MAP2K5: variants seen among roughly 807,000 people sequenced by gnomAD.
MAP2K5 encodes the protein dual specificity mitogen-activated protein kinase kinase 5.
A neutral mutation model predicts 83.1 loss-of-function variants in MAP2K5; 49 were observed. The observed-to-expected ratio is 0.59, with a 90% CI of 0.47 to 0.75. MAP2K5 has a LOEUF of 0.75. MAP2K5 is among the 30% of genes least tolerant of loss of function. MAP2K5 has a pLI of 0.00. For missense variants in MAP2K5, 457 were observed against 557.5 expected, an observed-to-expected ratio of 0.82 and a Z score of 1.82; for synonymous variants, 202 against 191.8, an observed-to-expected ratio of 1.05 and a Z score of -0.44.
intron 15 of MAP2K5, among the ~76,000 whole-genome samples, chr15:67,699,874 T>C (rs976260665): frequency 6.6e-6 from 1 of 151,976 alleles, no homozygotes; most frequent in East Asian, 1.9e-4. Context: ...GAAGAGAGAA[T>C]TGGTGAACTG....
At chr15:67,649,349 T>C (rs749638021) in intron 11 of MAP2K5, among the ~76,000 whole-genome samples, 4 of 152,128 alleles carry the variant, frequency 2.6e-5, no homozygotes, top group Non-Finnish European at 5.9e-5. Context: ...TCACTTTCTT[T>C]TTTCTTTTCT....
In MAP2K5 at chr15:67,587,009, A is replaced by G; in HGVS notation, c.431+96A>G. 1.7e-6 allele frequency: 2 copies of G among 1,190,668 alleles called. No individual in the cohort carries two copies. The highest frequency in any genetic ancestry group is 2.5e-6 in the Non-Finnish European group (2 of 794,356). 73.8% of individuals were successfully genotyped at this position (1,190,668 alleles called of 1,614,324 possible). A position where few individuals can be genotyped will look rare whatever the true frequency, so the allele number is the denominator to read the frequency against. ...GCTAGAAAGAAATTTGACCAGTTAG[A>G]TAACCTAGCTACGTATTGACCAAAG... On this transcript the variant is annotated intron_variant, in intron 6 of 21. Coordinates refer to ENST00000178640, the MANE Select transcript of MAP2K5 (RefSeq NM_145160.3). This position sits in a 1 kb window ranked among gnomAD's most constrained non-coding sequence, Gnocchi z 4.8.
At chr15:67,627,615 C>T (rs1214678361) in intron 8 of MAP2K5, among the ~76,000 whole-genome samples, 1 of 152,128 alleles carries the variant, frequency 6.6e-6, no homozygotes, top group Non-Finnish European at 1.5e-5. Context: ...ATTACAAATA[C>T]CTATATGCTC....
At position 67,748,744 on chromosome 15, in the gene MAP2K5, C is replaced by A. The variant is rs973819881; in HGVS notation, c.1134+143C>A. 1.0e-5 allele frequency: 7 copies of A among 689,268 alleles called. No homozygotes were observed. In the African/African-American group the frequency reaches 1.3e-4, roughly 12 times the overall value. The allele number at this position is 689,268 out of a possible 1,614,324, so 42.7% of individuals were successfully genotyped here. A position where few individuals can be genotyped will look rare whatever the true frequency, so the allele number is the denominator to read the frequency against. ...ATGGCTCTGAGCTATGTTACGTGAA[C>A]TGGCCTTGTCCTGAATCCCACTCTT... is the stretch of plus-strand genomic sequence containing the variant. On this transcript the variant is annotated intron_variant, in intron 19 of 21. Coordinates refer to ENST00000178640, the MANE Select transcript of MAP2K5 (RefSeq NM_145160.3). This position sits in a 1 kb window ranked among gnomAD's most constrained non-coding sequence, Gnocchi z 4.0.
At chr15:67,666,634 G>A (rs1354823874) in intron 13 of MAP2K5, among the ~76,000 whole-genome samples, 2 of 152,316 alleles carry the variant, frequency 1.3e-5, no homozygotes, top group East Asian at 1.9e-4. Context: ...TGACGGACAA[G>A]GGCTGCAGTG....
intron 7 of MAP2K5, among the ~76,000 whole-genome samples, chr15:67,596,964 G>A (rs780454765): frequency 2.0e-5 from 3 of 152,160 alleles, no homozygotes; most frequent in Admixed American, 6.6e-5. Flanking sequence ...GAGGTCAGGA[G>A]ATCAAGACCA....
intron 12 of MAP2K5, among the ~76,000 whole-genome samples, chr15:67,663,313 G>A (rs1666693291): frequency 6.6e-6 from 1 of 152,150 alleles, no homozygotes; most frequent in Non-Finnish European, 1.5e-5. Flanking sequence ...TCCTACTCCA[G>A]TCTAGGATTA....
intron 7 of MAP2K5, among the ~76,000 whole-genome samples, chr15:67,594,915 C>T (rs2141017319): frequency 6.6e-6 from 1 of 152,254 alleles, no homozygotes; most frequent in East Asian, 1.9e-4. Flanking sequence ...AGTGAAATTG[C>T]ATTGCAGTGA....
intron 3 of MAP2K5, among the ~76,000 whole-genome samples, chr15:67,569,650 A>T (rs188880473): frequency 9.9e-4 from 150 of 152,278 alleles, no homozygotes; most frequent in Admixed American, 5.4e-3. Context: ...CAAGGAGCAG[A>T]AGCATATTCA....
chr15:67,805,457 G>A (rs1310581287), intron 21 of MAP2K5, among the ~76,000 whole-genome samples: 1 of 152,238 alleles, frequency 6.6e-6, no homozygotes, highest in East Asian at 1.9e-4. Flanking sequence ...TGATGAGCTC[G>A]TGGCGAGGCC....
chr15:67,627,176 T>C (rs1194045006), intron 8 of MAP2K5, among the ~76,000 whole-genome samples: 1 of 152,184 alleles, frequency 6.6e-6, no homozygotes, highest in Non-Finnish European at 1.5e-5. Context: ...CTTGATCTCC[T>C]GGGTTCAAGT....
chr15:67,650,515 G>T (rs1596722648), intron 11 of MAP2K5, among the ~76,000 whole-genome samples: 4 of 144,906 alleles, frequency 2.8e-5, no homozygotes, highest in Non-Finnish European at 4.5e-5. Context: ...AGTTTGTTGA[G>T]TTTTTTTTTT....
At position 67,769,513 on chromosome 15, in the gene MAP2K5, T is replaced by G. The variant is rs2090101563; in HGVS notation, c.1135-89T>G. On this transcript the variant is annotated intron_variant, in intron 19 of 21. Transcript: ENST00000178640. This position sits in a 1 kb window ranked among gnomAD's most constrained non-coding sequence, Gnocchi z 5.2. ...CTTATTCTCATTGTATTCATCTTTA[T>G]ACTCATCCTTCACATGGGTGGGTGG... is the stretch of plus-strand genomic sequence containing the variant. 1.1e-5 allele frequency: 12 copies of G among 1,123,946 alleles called. No individual in the cohort carries two copies. Among genetic ancestry groups the G allele is most frequent in the South Asian group, 5.1e-5 (4 of 77,862 alleles). 69.6% of individuals were successfully genotyped at this position (1,123,946 alleles called of 1,614,324 possible).
At chr15:67,614,075 A>G (rs1437349725) in intron 8 of MAP2K5, among the ~76,000 whole-genome samples, 1 of 152,182 alleles carries the variant, frequency 6.6e-6, no homozygotes, top group Non-Finnish European at 1.5e-5. Flanking sequence ...TCTAGAAGCA[A>G]CCAGTTTATT....
In MAP2K5 at chr15:67,781,165, C is replaced by G. The variant is rs908516549; in HGVS notation, c.1242+8413C>G. Among the ~76,000 whole-genome samples, 1 of 152,216 alleles carries G rather than the reference C, an allele frequency of 6.6e-6. No homozygotes were observed. Among genetic ancestry groups the G allele is most frequent in the African/African-American group, 2.4e-5 (1 of 41,456 alleles). ...GGAGAAATATAAAAGGATCCTAAAGCTAGTCCCTGGGATTTGGGAATTGCT... is the reference window on the plus strand; with the variant it reads ...GGAGAAATATAAAAGGATCCTAAAGGTAGTCCCTGGGATTTGGGAATTGCT... On this transcript the variant is annotated intron_variant, in intron 21 of 21. Transcript: ENST00000178640. The surrounding 1 kb of genome is among the most constrained non-coding windows in gnomAD (Gnocchi z 4.0).
rs2084600620 is a variant in MAP2K5 at position 67,555,195 on chromosome 15, GGCACTA to G, written c.184+5117_184+5122del. 6.6e-6 allele frequency among the ~76,000 whole-genome samples: 1 copy of G among 152,190 alleles called. No individual in the cohort carries two copies. Among genetic ancestry groups the G allele is most frequent in the African/African-American group, 2.4e-5 (1 of 41,454 alleles). ...ACAGTTCTACAGGCTGTACAAGCAT[GGCACTA>G]GCATCTGCTTGCATTCTGCTGAGGA... On this transcript the variant is annotated intron_variant, in intron 2 of 21. Transcript: ENST00000178640. The surrounding 1 kb of genome is among the most constrained non-coding windows in gnomAD (Gnocchi z 5.2).
At chr15:67,675,826 G>C (rs182188650) in intron 13 of MAP2K5, among the ~76,000 whole-genome samples, 1 of 152,232 alleles carries the variant, frequency 6.6e-6, no homozygotes, top group East Asian at 1.9e-4. Flanking sequence ...TTGATCATAG[G>C]CAGAGTCATC....
chr15:67,591,351 A>G (rs959316993), intron 6 of MAP2K5, among the ~76,000 whole-genome samples: 8 of 151,534 alleles, frequency 5.3e-5, no homozygotes, highest in African/African-American at 1.9e-4. Flanking sequence ...TCTCAAAAAA[A>G]AAAAAGTAGA....
At chr15:67,601,382 T>A (rs1596629575) in intron 8 of MAP2K5, among the ~76,000 whole-genome samples, 1 of 152,226 alleles carries the variant, frequency 6.6e-6, no homozygotes, top group Non-Finnish European at 1.5e-5. Flanking sequence ...CATGCAGTAG[T>A]GCAAAGTTTA....
Sources: gnomAD v4.1 joint callset for allele counts (sites outside exome capture counted in the v4.1 genomes callset) on GRCh38, gnomAD v4.1.1 for gene constraint, Gnocchi (gnomAD v3.1) non-coding constraint, MANE v1.5 for transcripts, NCBI Gene and HGNC (gene_info 2026-07-23, HGNC 2026-07-21) for gene names.